The following PCID2 variants were observed in gnomAD, a reference collection of about 807,000 sequenced individuals.
The protein encoded by PCID2 is PCI domain containing 2.
PCID2 carries 41 observed loss-of-function variants against 61.3 expected under a neutral mutation model. That is an observed-to-expected ratio of 0.67 (90% confidence interval 0.52 to 0.87). The LOEUF (loss-of-function observed/expected upper bound fraction) is 0.87, where lower values mean the gene tolerates loss of function less well. Among genes scored for constraint, PCID2 ranks in the 40% least tolerant of loss-of-function variants. PCID2 has a pLI of 0.00. For synonymous variants in PCID2, 187 were observed against 177.8 expected (o/e 1.05, Z -0.41); for missense variants, 392 against 493.4 (o/e 0.79, Z 1.95).
intron 1 of PCID2, chr13:113,208,322 A>G (rs2040097841): frequency 3.5e-6 from 5 of 1,432,564 alleles, no homozygotes; most frequent in Middle Eastern, 2.6e-4. Flanking sequence ...AAGTGAGGGC[A>G]GCGACCTGGG....
At chr13:113,196,904 T>G (rs1316110706) in intron 4 of PCID2, 7 of 797,002 alleles carry the variant, frequency 8.8e-6, no homozygotes, top group Admixed American at 2.0e-5. Context: ...CTTACTACCT[T>G]ACTAAAGGCA....
chr13:113,178,997 A>C lies in PCID2; in HGVS notation c.1079T>G (p.Val360Gly). Residue 360 changes from valine (V) to glycine (G), a missense_variant, in exon 13 of 14, where the codon GTT (valine) becomes GGT (glycine). Val to Gly is a moderately radical substitution (Grantham distance 109, BLOSUM62 -3). This residue lies in a region of PCID2 where 226 missense variants were observed against 296.5 expected (regional missense o/e 0.76). Transcript: ENST00000337344. ...MQVEDVDIDE[V>G]QCILANLIYM... ...TATCAAGTTAGCCAGAATACACTGAACTTCGTCAATGTCCACGTCCTCCAC... is the reference window on the plus strand; with the variant it reads ...TATCAAGTTAGCCAGAATACACTGACCTTCGTCAATGTCCACGTCCTCCAC... The C allele has an allele frequency of 1.2e-6, 2 of 1,613,690 alleles. No homozygotes were observed. Among genetic ancestry groups the C allele is most frequent in the Non-Finnish European group, 1.7e-6 (2 of 1,179,622 alleles).
At chr13:113,196,365 A>C (rs1413073281) in intron 4 of PCID2, 143 bp from the exon 5 acceptor site, 3 of 583,906 alleles carry the variant, frequency 5.1e-6, no homozygotes, top group Non-Finnish European at 9.1e-6. Context: ...TCTTGAAGGA[A>C]AAAAGGTATA....
chr13:113,182,624 C>A (rs376823454), intron 9 of PCID2, among the ~76,000 whole-genome samples: 1 of 152,152 alleles, frequency 6.6e-6, no homozygotes, highest in African/African-American at 2.4e-5. Context: ...CTCAGCCTCC[C>A]GAGTAGCTGG....
downstream of PCID2, among the ~76,000 whole-genome samples, chr13:113,175,440 A>G (rs2037170539): frequency 6.6e-6 from 1 of 152,004 alleles, no homozygotes; most frequent in Admixed American, 6.6e-5. Flanking sequence ...AAATTCCAAT[A>G]TTCAAATTAC....
the PCID2 span, chr13:113,172,114 CAGCT>C: frequency 6.2e-7 from 1 of 1,611,964 alleles, no homozygotes; most frequent in East Asian, 2.2e-5. Flanking sequence ...AACTGAAACT[CAGCT>C]AGCCAGAATG....
chr13:113,184,213 A>G (rs1217452958), intron 9 of PCID2, 133 bp downstream of exon 9: 1 of 903,056 alleles, frequency 1.1e-6, no homozygotes, highest in African/African-American at 1.7e-5. Flanking sequence ...TTAGTGTCAA[A>G]TATGTATATA....
the PCID2 span, chr13:113,172,117 C>A: frequency 6.2e-7 from 1 of 1,611,830 alleles, no homozygotes; most frequent in Non-Finnish European, 8.5e-7. Context: ...TGAAACTCAG[C>A]TAGCCAGAAT....
At chr13:113,186,135 AG>A (rs1404728440) in intron 7 of PCID2, 2 of 153,332 alleles carry the variant, frequency 1.3e-5, no homozygotes, top group African/African-American at 2.4e-5. Flanking sequence ...AGACACAAAA[AG>A]TACACACTGT....
intron 7 of PCID2, 168 bp from the exon 8 acceptor site, chr13:113,185,728 T>C (rs566530140): frequency 8.2e-6 from 4 of 485,212 alleles, no homozygotes; most frequent in Non-Finnish European, 1.5e-5. Flanking sequence ...CAAAATAACA[T>C]TATGAAAAAA....
At chr13:113,194,980 C>T in intron 6 of PCID2, 91 bp downstream of exon 6, 1 of 956,750 alleles carries the variant, frequency 1.0e-6, no homozygotes, top group Non-Finnish European at 1.7e-6. Context: ...ATTTGCTCCT[C>T]AAAACTTCTG....
At chr13:113,171,963 G>GCC in the PCID2 span, 1 of 1,613,566 alleles carries the variant, frequency 6.2e-7, no homozygotes, top group South Asian at 1.1e-5. This position sits in a 1 kb window ranked among gnomAD's most constrained non-coding sequence, Gnocchi z 5.1. Flanking sequence ...TGGATGGATG[G>GCC]AAGTGTGGTC....
chr13:113,203,533 G>A (rs538602371), intron 1 of PCID2, among the ~76,000 whole-genome samples: 1 of 152,232 alleles, frequency 6.6e-6, no homozygotes, highest in Non-Finnish European at 1.5e-5. Flanking sequence ...CTACAGATCA[G>A]TATTTTGCAA....
At chr13:113,201,180 T>C (rs2039399940) in intron 1 of PCID2, among the ~76,000 whole-genome samples, 2 of 152,176 alleles carry the variant, frequency 1.3e-5, no homozygotes, top group Non-Finnish European at 2.9e-5. Flanking sequence ...GCTAAATAGA[T>C]GTCACATTCA....
At chr13:113,201,397 C>T (rs2039416858) in intron 1 of PCID2, among the ~76,000 whole-genome samples, 1 of 152,178 alleles carries the variant, frequency 6.6e-6, no homozygotes, top group Admixed American at 6.5e-5. Flanking sequence ...CCATACCACA[C>T]CAGCTGACTG....
chr13:113,200,578 C>A, intron 1 of PCID2, 62 bp from the exon 2 acceptor site: 2 of 1,032,296 alleles, frequency 1.9e-6, no homozygotes, highest in Non-Finnish European at 3.0e-6. Flanking sequence ...ATAGAACCTA[C>A]AACAATACAC....
At position 113,198,163 on chromosome 13, in the gene PCID2, G is replaced by A. The variant is rs1323111976; in HGVS notation, c.200+28C>T. 3.5e-6 allele frequency: 5 copies of A among 1,431,464 alleles called. No individual in the cohort carries two copies. The East Asian group carries it at 9.4e-5, about 27-fold the overall frequency. The allele number at this position is 1,431,464 out of a possible 1,614,324, so 88.7% of individuals were successfully genotyped here. A position where few individuals can be genotyped will look rare whatever the true frequency, so the allele number is the denominator to read the frequency against. On this transcript the variant is annotated intron_variant, in intron 3 of 13. Coordinates refer to ENST00000337344, the MANE Select transcript of PCID2 (RefSeq NM_001127202.4). ...TTAATTCAGCAATTTCCAGATGTGTGTGTTTTTCTTCCTCCCCAACAGATT... is the reference window on the plus strand; with the variant it reads ...TTAATTCAGCAATTTCCAGATGTGTATGTTTTTCTTCCTCCCCAACAGATT...
chr13:113,172,099 GAACT>G, the PCID2 span: 45 of 1,612,420 alleles, frequency 2.8e-5, no homozygotes, highest in Admixed American at 1.7e-4. Flanking sequence ...AACAGATCAT[GAACT>G]AACTGAAACT....
chr13:113,204,520 C>T (rs868432586), intron 1 of PCID2, among the ~76,000 whole-genome samples: 3 of 152,160 alleles, frequency 2.0e-5, no homozygotes, highest in Non-Finnish European at 4.4e-5. Flanking sequence ...GTGGTCCCTG[C>T]ACATATGCAG....
Sources: gnomAD v4.1 joint callset for allele counts (sites outside exome capture counted in the v4.1 genomes callset) on GRCh38, gnomAD v4.1.1 for gene constraint, gnomAD v4.1.1 regional missense constraint, Gnocchi (gnomAD v3.1) non-coding constraint, MANE v1.5 for transcripts, NCBI Gene and HGNC (gene_info 2026-07-23, HGNC 2026-07-21) for gene names.